Variants in KAZN observed in about 807,000 individuals in gnomAD.
The protein encoded by KAZN is kazrin.
In KAZN, 40 loss-of-function variants were observed where a neutral mutation model predicts 87.4. The observed-to-expected ratio is 0.46, with a 90% CI of 0.36 to 0.60. The LOEUF is 0.60. Among genes scored for constraint, KAZN ranks in the 20% least tolerant of loss-of-function variants. KAZN has a pLI of 0.00. For missense variants in KAZN, 898 were observed against 1,073.9 expected (o/e 0.84, Z 2.29); for synonymous variants, 466 against 458.3 (o/e 1.02, Z -0.22).
chr1:14,481,602 G>C (rs1373851211), intron 2 of KAZN, among the ~76,000 whole-genome samples: 2 of 152,168 alleles, frequency 1.3e-5, no homozygotes, highest in South Asian at 2.1e-4. Flanking sequence ...ATCTTGCCTG[G>C]GGCCTCACAT....
intron 1 of KAZN, among the ~76,000 whole-genome samples, chr1:14,151,565 C>T (rs531408053): frequency 3.9e-4 from 60 of 152,236 alleles, no homozygotes; most frequent in Middle Eastern, 6.8e-3. Flanking sequence ...ACTCTGGAAA[C>T]GGATAAAACA....
At chr1:14,377,888 ATCGTC>A (rs543236555) in intron 2 of KAZN, among the ~76,000 whole-genome samples, 217 of 152,292 alleles carry the variant, frequency 1.4e-3, no homozygotes, top group African/African-American at 4.9e-3. Context: ...TGCCAGTAAC[ATCGTC>A]TCTTCCCAAA....
intron 4 of KAZN, among the ~76,000 whole-genome samples, chr1:15,045,182 G>T (rs1673347732): frequency 5.9e-5 from 9 of 152,202 alleles, no homozygotes; most frequent in Admixed American, 5.9e-4. Flanking sequence ...CTTCCCCACA[G>T]GGTGGCTGGG....
intron 1 of KAZN, among the ~76,000 whole-genome samples, chr1:14,069,606 C>T (rs1179993738): frequency 6.6e-6 from 1 of 152,210 alleles, no homozygotes; most frequent in Non-Finnish European, 1.5e-5. Context: ...ATGCCACAGA[C>T]CTAATTGCCA....
intron 1 of KAZN, among the ~76,000 whole-genome samples, chr1:13,948,987 T>G (rs772117624): frequency 6.6e-6 from 1 of 152,182 alleles, no homozygotes; most frequent in African/African-American, 2.4e-5. Context: ...CAGCATCGCC[T>G]CTCTGACGTA....
At chr1:14,836,844 A>G (rs1310795884) in intron 1 of KAZN, among the ~76,000 whole-genome samples, 2 of 152,204 alleles carry the variant, frequency 1.3e-5, no homozygotes, top group Non-Finnish European at 1.5e-5. Context: ...GTTTTAAAAT[A>G]TAATACTTTT....
chr1:14,240,335 C>A (rs541553172), intron 2 of KAZN, among the ~76,000 whole-genome samples: 1 of 152,352 alleles, frequency 6.6e-6, no homozygotes, highest in South Asian at 2.1e-4. Flanking sequence ...CTCTGTGTGC[C>A]TAGACAGGGG....
intron 1 of KAZN, among the ~76,000 whole-genome samples, chr1:14,797,874 T>C (rs1481526369): frequency 5.3e-5 from 8 of 152,136 alleles, no homozygotes; most frequent in African/African-American, 1.9e-4. Flanking sequence ...AACTCCTAAC[T>C]CAACACTTAA....
chr1:14,159,250 G>A (rs1376864603), intron 1 of KAZN, among the ~76,000 whole-genome samples: 1 of 152,208 alleles, frequency 6.6e-6, no homozygotes, highest in African/African-American at 2.4e-5. Flanking sequence ...AGCCAAGGAT[G>A]ACAGTCAAAA....
At chr1:14,718,287 C>T (rs903345075) in intron 1 of KAZN, among the ~76,000 whole-genome samples, 62 of 152,300 alleles carry the variant, frequency 4.1e-4, no homozygotes, top group African/African-American at 1.5e-3. Flanking sequence ...TTTGTCCTCC[C>T]GCTTGATGTG....
intron 4 of KAZN, among the ~76,000 whole-genome samples, chr1:15,051,625 C>T (rs577019135): frequency 2.6e-5 from 4 of 152,194 alleles, no homozygotes; most frequent in Non-Finnish European, 5.9e-5. Flanking sequence ...TCATTATCCC[C>T]GTTAGACAGC....
In KAZN at chr1:14,125,260, A is replaced by G. The variant is rs369173362; in HGVS notation, c.92-55175A>G. ...TCCCCCTGCCCCTGTCCTGATCATG[A>G]CTATCAAAAATGTCTTTTCCGACCT... On this transcript the variant is annotated intron_variant, in intron 1 of 16. Coordinates refer to the KAZN transcript ENST00000636203. Among the ~76,000 whole-genome samples the G allele has an allele frequency of 7.5e-4, 114 of 152,246 alleles. 3 individuals carry two copies. In the South Asian group the frequency reaches 0.022, roughly 30 times the overall value.
chr1:14,494,550 G>A (rs1164697468), intron 2 of KAZN, among the ~76,000 whole-genome samples: 1 of 152,078 alleles, frequency 6.6e-6, no homozygotes, highest in Non-Finnish European at 1.5e-5. Context: ...AGGTCAATAG[G>A]CAGGTGACAT....
chr1:14,085,538 T>C (rs968279139), intron 1 of KAZN, among the ~76,000 whole-genome samples: 1 of 152,222 alleles, frequency 6.6e-6, no homozygotes, highest in Non-Finnish European at 1.5e-5. Flanking sequence ...AACTTTTGTG[T>C]CTACCTCCTT....
At chr1:14,257,583 C>T (rs1650617404) in intron 2 of KAZN, among the ~76,000 whole-genome samples, 2 of 143,830 alleles carry the variant, frequency 1.4e-5, no homozygotes, top group South Asian at 4.5e-4. Flanking sequence ...AGGTTTTCTT[C>T]TAGGGTTTTT....
At chr1:14,725,946 C>T (rs1413043615) in intron 1 of KAZN, among the ~76,000 whole-genome samples, 2 of 152,176 alleles carry the variant, frequency 1.3e-5, no homozygotes, top group African/African-American at 4.8e-5. Context: ...GGCTCAAAGC[C>T]ACTGAATAGC....
intron 2 of KAZN, among the ~76,000 whole-genome samples, chr1:14,375,236 G>A (rs1660802554): frequency 6.6e-6 from 1 of 152,166 alleles, no homozygotes; most frequent in Admixed American, 6.5e-5. Flanking sequence ...ACTTCAGAAA[G>A]AGTGCAGGAG....
At chr1:14,124,364 C>G (rs1644817081) in intron 1 of KAZN, 1 of 152,350 alleles carries the variant, frequency 6.6e-6, no homozygotes, top group Non-Finnish European at 1.5e-5. Context: ...ACCACGCCAC[C>G]CCCGTCCCTG....
intron 1 of KAZN, among the ~76,000 whole-genome samples, chr1:14,602,647 G>C (rs1430275091): frequency 6.6e-6 from 1 of 152,188 alleles, no homozygotes; most frequent in African/African-American, 2.4e-5. Flanking sequence ...GTAGCAGTTT[G>C]TTTCTCTGAA....
Sources: gnomAD v4.1 joint callset for allele counts (sites outside exome capture counted in the v4.1 genomes callset) on GRCh38, gnomAD v4.1.1 for gene constraint, MANE v1.5 for transcripts, NCBI Gene and HGNC (gene_info 2026-07-23, HGNC 2026-07-21) for gene names.